The following PDZRN4 variants were observed in gnomAD, a reference collection of about 807,000 sequenced individuals.
The protein encoded by PDZRN4 is PDZ domain-containing RING finger protein 4.
PDZRN4 carries 70 observed loss-of-function variants against 99.0 expected under a neutral mutation model. That is an observed-to-expected ratio of 0.71 (90% CI 0.58 to 0.86). PDZRN4 has a LOEUF of 0.86. Ranked by LOEUF, PDZRN4 falls within the 40% of genes least tolerant of loss-of-function variation. The probability of loss-of-function intolerance (pLI) is 0.00; values close to 1 mark genes in which losing one functional copy is unlikely to be tolerated. For synonymous variants in PDZRN4, 551 were observed against 501.6 expected, an observed-to-expected ratio of 1.10 and a Z score of -1.32; for missense variants, 1,474 against 1,331.2, an observed-to-expected ratio of 1.11 and a Z score of -1.67.
intron 3 of PDZRN4, chr12:41,409,914 C>G (rs1424681832): frequency 3.3e-5 from 5 of 152,196 alleles, no homozygotes; most frequent in African/African-American, 1.2e-4. Flanking sequence ...TTAGAATTCT[C>G]TCTGAGTCTG....
intron 3 of PDZRN4, among the ~76,000 whole-genome samples, chr12:41,439,615 T>C (rs879846412): frequency 2.0e-5 from 3 of 152,166 alleles, no homozygotes; most frequent in African/African-American, 7.2e-5. Context: ...GCCTTTGTTA[T>C]GGATTTTTAA....
At chr12:41,331,303 G>A (rs553340704) in intron 3 of PDZRN4, among the ~76,000 whole-genome samples, 2 of 152,022 alleles carry the variant, frequency 1.3e-5, no homozygotes, top group Non-Finnish European at 2.9e-5. Context: ...CTATATTTCG[G>A]TAGGTTTATC....
intron 6 of PDZRN4, 93 bp from the exon 7 acceptor site, chr12:41,555,605 C>G: frequency 1.1e-6 from 1 of 945,708 alleles, no homozygotes; most frequent in South Asian, 1.4e-5. Flanking sequence ...AATTTTGAAA[C>G]AGCTTTTTCA....
intron 3 of PDZRN4, among the ~76,000 whole-genome samples, chr12:41,457,024 A>G (rs1381229976): frequency 6.6e-6 from 1 of 152,174 alleles, no homozygotes; most frequent in Non-Finnish European, 1.5e-5. Flanking sequence ...CCTTAAATAC[A>G]GATGAGCCTT....
chr12:41,306,246 TGG>T (rs1248293797), intron 3 of PDZRN4, among the ~76,000 whole-genome samples: 2 of 152,208 alleles, frequency 1.3e-5, no homozygotes, highest in African/African-American at 4.8e-5. Context: ...ATGGCTCTGC[TGG>T]GCAGGGACTA....
chr12:41,326,758 T>G (rs1284547658), intron 3 of PDZRN4, among the ~76,000 whole-genome samples: 1 of 152,202 alleles, frequency 6.6e-6, no homozygotes, highest in Non-Finnish European at 1.5e-5. Context: ...AATTTATTCC[T>G]GCTTACAGTT....
At chr12:41,197,920 G>GTTTTTTTTTTTTTTTTTTTT (rs533696414) in intron 3 of PDZRN4, among the ~76,000 whole-genome samples, 3,227 of 113,898 alleles carry the variant, frequency 0.028, 16 homozygotes, top group Non-Finnish European at 0.038. Context: ...TTTTTTCTGG[G>GTTTTTTTTTTTTTTTTTTTT]TTTTTTTTTT....
At chr12:41,462,181 T>C (rs1451572040) in intron 3 of PDZRN4, among the ~76,000 whole-genome samples, 1 of 152,198 alleles carries the variant, frequency 6.6e-6, no homozygotes, top group African/African-American at 2.4e-5. Flanking sequence ...TTGAGGAAAA[T>C]ATCCACTTCA....
intron 3 of PDZRN4, among the ~76,000 whole-genome samples, chr12:41,255,472 T>C: frequency 6.6e-6 from 1 of 152,046 alleles, no homozygotes; most frequent in East Asian, 1.9e-4. Context: ...GTAGGAATAA[T>C]TGGAGAGTTT....
intron 3 of PDZRN4, among the ~76,000 whole-genome samples, chr12:41,264,501 T>C (rs536144624): frequency 1.5e-4 from 23 of 152,060 alleles, no homozygotes; most frequent in African/African-American, 5.6e-4. Context: ...GCTGAGAAAA[T>C]ATACTAGTGA....
At chr12:41,425,905 T>A (rs559993968) in intron 3 of PDZRN4, among the ~76,000 whole-genome samples, 1 of 152,166 alleles carries the variant, frequency 6.6e-6, no homozygotes, top group Non-Finnish European at 1.5e-5. Flanking sequence ...ATATGTGATT[T>A]CTCTTTTGAT....
rs75507283 is a variant in PDZRN4 at position 41,506,593 on chromosome 12, G to T, written c.981G>T (p.Val327=). 394 of 1,613,906 alleles carry T rather than the reference G, an allele frequency of 2.4e-4. 1 individual carries two copies. The African/African-American group carries it at 4.9e-3, about 20-fold the overall frequency. ...CAGCCTATGGGATGGCTTCAGAAGTGCAGCTTATGAATGCCAGCACTCAGA... is the reference window on the plus strand; with the variant it reads ...CAGCCTATGGGATGGCTTCAGAAGTTCAGCTTATGAATGCCAGCACTCAGA... ...SRPAYGMASE[V]QLMNASTQTD... The change falls in exon 4 of 10, where the codon GTG becomes GTT. Residue 327 remains valine, a synonymous_variant. Coordinates refer to ENST00000402685, the MANE Select transcript of PDZRN4 (RefSeq NM_001164595.2).
chr12:41,333,604 C>T (rs1951753686), intron 3 of PDZRN4, among the ~76,000 whole-genome samples: 1 of 152,106 alleles, frequency 6.6e-6, no homozygotes, highest in Non-Finnish European at 1.5e-5. Context: ...TTCATTCTGC[C>T]TTCACTCCAT....
chr12:41,283,825 A>G (rs1951404858), intron 3 of PDZRN4, among the ~76,000 whole-genome samples: 1 of 152,220 alleles, frequency 6.6e-6, no homozygotes, highest in African/African-American at 2.4e-5. Flanking sequence ...CATGCTAAAA[A>G]CACTCAATAA....
chr12:41,255,437 T>G (rs1226245846), intron 3 of PDZRN4, among the ~76,000 whole-genome samples: 1 of 151,988 alleles, frequency 6.6e-6, no homozygotes, highest in Non-Finnish European at 1.5e-5. Flanking sequence ...TTTTGTTTTG[T>G]TTTGTTTTGT....
Position 41,188,644 on chromosome 12 carries a change from G to T in PDZRN4, c.189G>T (p.Glu63Asp). The T allele has an allele frequency of 6.5e-7, 1 of 1,542,768 alleles. No individual in the cohort carries two copies. Among genetic ancestry groups the T allele is most frequent in the Non-Finnish European group, 8.7e-7 (1 of 1,151,622 alleles). The change falls in exon 1 of 10, where the codon GAG becomes GAT. Residue 63 changes from glutamate (E) to aspartate (D), a missense_variant. By Grantham distance (45) the Glu-to-Asp change is conservative. Transcript: ENST00000402685. Reference sequence around the variant, plus strand: ...AGTGCCAGCCCTTGGCGCCCGGCGAGCTGTACCGGGTGCTGCCGCTGCGCA... The same window carrying T: ...AGTGCCAGCCCTTGGCGCCCGGCGATCTGTACCGGGTGCTGCCGCTGCGCA... ...PLQCQPLAPG[E>D]LYRVLPLRSL... is the part of the protein sequence containing the mutation.
intron 3 of PDZRN4, among the ~76,000 whole-genome samples, chr12:41,400,835 T>C (rs1952284039): frequency 1.3e-5 from 2 of 152,216 alleles, no homozygotes; most frequent in South Asian, 4.1e-4. Flanking sequence ...GCTAACTTCA[T>C]TCCAGGGAAA....
At chr12:41,504,578 C>T (rs1045960842) in intron 3 of PDZRN4, among the ~76,000 whole-genome samples, 2 of 152,070 alleles carry the variant, frequency 1.3e-5, no homozygotes, top group Non-Finnish European at 2.9e-5. Flanking sequence ...TGTGCTTTTT[C>T]GTTCTGGGAT....
At chr12:41,497,571 T>C (rs1938031937) in intron 3 of PDZRN4, among the ~76,000 whole-genome samples, 2 of 152,134 alleles carry the variant, frequency 1.3e-5, no homozygotes, top group Non-Finnish European at 2.9e-5. Context: ...ATTTGAGTCA[T>C]TTTTCACTGC....
Sources: allele counts gnomAD v4.1 joint callset (sites outside exome capture counted in the v4.1 genomes callset), GRCh38; gene constraint gnomAD v4.1.1; transcripts MANE v1.5; gene names NCBI Gene and HGNC (gene_info 2026-07-23, HGNC 2026-07-21).